The following TRRAP variants were observed in gnomAD, a reference collection of about 807,000 sequenced individuals.
The protein encoded by TRRAP is transformation/transcription domain-associated protein.
TRRAP carries 41 observed loss-of-function variants against 438.8 expected under a neutral mutation model. That is an observed-to-expected ratio of 0.09 (90% confidence interval 0.07 to 0.12). The LOEUF (loss-of-function observed/expected upper bound fraction) is 0.12, where lower values mean the gene tolerates loss of function less well. Ranked by LOEUF, TRRAP falls within the 10% of genes least tolerant of loss-of-function variation. The pLI is 1.00. For synonymous variants in TRRAP, 1,994 were observed against 1,962.9 expected (o/e 1.02, Z -0.42); for missense variants, 3,122 against 5,055.1 (o/e 0.62, Z 11.60).
chr7:98,993,308 A>G (rs1038762570), intron 65 of TRRAP, among the ~76,000 whole-genome samples: 1 of 152,240 alleles, frequency 6.6e-6, no homozygotes, highest in East Asian at 1.9e-4. Flanking sequence ...ATTTAATGGA[A>G]TGGATTGAAG....
chr7:98,921,647 A>T, intron 20 of TRRAP, 106 bp from the exon 21 acceptor site: 1 of 1,470,642 alleles, frequency 6.8e-7, no homozygotes, highest in Non-Finnish European at 9.3e-7. Context: ...AAGTTCTGGG[A>T]TTACAGGCAT....
At position 98,911,279 on chromosome 7, in the gene TRRAP, ACTC is replaced by A. The variant is rs782299550; in HGVS notation, c.2007+11_2007+13del. 1.9e-6 allele frequency: 3 copies of A among 1,591,014 alleles called. No homozygotes were observed. The highest frequency in any genetic ancestry group is 2.7e-5 in the African/African-American group (2 of 73,546). ...AAAAATTATGCTCTTCAGGTATAAAACTCCTTTTTTTATGTTGTTTGAACATTA... is the reference window on the plus strand; with the variant it reads ...AAAAATTATGCTCTTCAGGTATAAAACTTTTTTTATGTTGTTTGAACATTA... On this transcript the variant is annotated intron_variant, in intron 17 of 72. Coordinates refer to ENST00000456197, the MANE Select transcript of TRRAP (RefSeq NM_001375524.1).
chr7:98,880,632 A>G (rs1795386578), intron 1 of TRRAP, among the ~76,000 whole-genome samples: 1 of 152,148 alleles, frequency 6.6e-6, no homozygotes. Flanking sequence ...GGAAAAGAGG[A>G]AGGATATTTC....
chr7:98,988,626 C>A, intron 62 of TRRAP, 139 bp from the exon 63 acceptor site: 1 of 968,472 alleles, frequency 1.0e-6, no homozygotes, highest in Non-Finnish European at 1.5e-6. Context: ...TTCAGAGCGA[C>A]TGCTTATGGG....
chr7:99,009,917 C>T (rs1396389202), intron 70 of TRRAP, among the ~76,000 whole-genome samples: 9 of 116,638 alleles, frequency 7.7e-5, no homozygotes, highest in Non-Finnish European at 1.2e-4. Flanking sequence ...GATAGAGTTT[C>T]GCTGTTGTTG....
chr7:99,006,479 T>C (rs1433267653), intron 69 of TRRAP, among the ~76,000 whole-genome samples: 1 of 152,260 alleles, frequency 6.6e-6, no homozygotes, highest in Non-Finnish European at 1.5e-5. Flanking sequence ...TTGATTTCTC[T>C]GCTTCCAAAT....
Position 98,992,320 on chromosome 7 carries a change from C to T in TRRAP, c.9847+93C>T, listed in dbSNP as rs1793461893. 24 of 1,331,736 alleles carry T rather than the reference C, an allele frequency of 1.8e-5. No individual in the cohort carries two copies. In the Admixed American group the frequency reaches 3.1e-4, roughly 17 times the overall value. The allele number at this position is 1,331,736 out of a possible 1,614,324, so 82.5% of individuals were successfully genotyped here. A position where few individuals can be genotyped will look rare whatever the true frequency, so the allele number is the denominator to read the frequency against. On this transcript the variant is annotated intron_variant, in intron 65 of 72. Transcript: ENST00000456197. ...GACAGACCACCGCAGCCACCCCTGC[C>T]CTGCAGCTCACTCATAGCCGTGGCC...
At chr7:98,953,066 T>C (rs2116624911) in intron 39 of TRRAP, 101 bp from the exon 40 acceptor site, 1 of 309,312 alleles carries the variant, frequency 3.2e-6, no homozygotes, top group Non-Finnish European at 6.0e-6. Flanking sequence ...TGTGTGTGTG[T>C]GTGTGTGTGT....
At chr7:98,964,518 G>A (rs1426483372) in intron 47 of TRRAP, 111 bp from the exon 48 acceptor site, 4 of 1,299,830 alleles carry the variant, frequency 3.1e-6, no homozygotes, top group Non-Finnish European at 4.3e-6. Context: ...TTGACACTGG[G>A]ATTAACTATG....
intron 20 of TRRAP, 83 bp from the exon 21 acceptor site, chr7:98,921,670 C>T: frequency 2.5e-6 from 4 of 1,576,518 alleles, no homozygotes; most frequent in Non-Finnish European, 3.5e-6. Context: ...GCCACTACGC[C>T]TGGCCTCCCT....
intron 27 of TRRAP, 21 bp from the exon 28 acceptor site, chr7:98,935,558 A>G: frequency 1.9e-6 from 3 of 1,589,998 alleles, no homozygotes; most frequent in Non-Finnish European, 2.6e-6. Context: ...GGGCTAAATG[A>G]AATTGTTTTA....
At chr7:98,957,944 C>G (rs782608690) in intron 43 of TRRAP, 37 bp from the exon 44 acceptor site, 2 of 1,582,320 alleles carry the variant, frequency 1.3e-6, no homozygotes, top group African/African-American at 1.3e-5. Flanking sequence ...ATTAGTGTTG[C>G]GATTCTCTTC....
chr7:98,953,081 T>A (rs868911869), intron 39 of TRRAP, 86 bp from the exon 40 acceptor site: 42 of 804,956 alleles, frequency 5.2e-5, no homozygotes, highest in Non-Finnish European at 7.5e-5. Flanking sequence ...GTGTGTGTGT[T>A]TTTAAGGCTT....
chr7:98,964,314 A>G (rs1360266942), intron 47 of TRRAP, among the ~76,000 whole-genome samples: 2 of 152,058 alleles, frequency 1.3e-5, no homozygotes, highest in Non-Finnish European at 2.9e-5. Context: ...TCCCAAACCT[A>G]TTATAGGAGT....
At chr7:99,000,632 A>G (rs902256188) in intron 67 of TRRAP, among the ~76,000 whole-genome samples, 4 of 152,250 alleles carry the variant, frequency 2.6e-5, no homozygotes, top group African/African-American at 9.6e-5. Flanking sequence ...CACTTGGGCA[A>G]CTGACCAACA....
At chr7:98,992,370 G>A (rs976855585) in intron 65 of TRRAP, 143 bp downstream of exon 65, 7 of 787,732 alleles carry the variant, frequency 8.9e-6, no homozygotes, top group Middle Eastern at 3.6e-4. Flanking sequence ...GGGCAGCACC[G>A]TAGGGCAGGA....
chr7:98,904,483 CAAAA>C (rs59353514), intron 12 of TRRAP, among the ~76,000 whole-genome samples: 8 of 45,576 alleles, frequency 1.8e-4, no homozygotes, highest in South Asian at 7.6e-4. Flanking sequence ...GACTCTGTCT[CAAAA>C]AAAAAAAAAA....
chr7:98,883,620 G>T (rs1159954281), intron 3 of TRRAP, among the ~76,000 whole-genome samples: 2 of 152,112 alleles, frequency 1.3e-5, no homozygotes, highest in Non-Finnish European at 2.9e-5. Context: ...GCTCAGGTGA[G>T]CCTCCCACTC....
rs772345890 is a variant in TRRAP, at chr7:98,990,532, A to G, written c.9669A>G (p.Pro3223=). The change falls in exon 64 of 73, where the codon CCA becomes CCG. Residue 3223 remains proline (P), a synonymous_variant. Transcript: ENST00000456197. ...DAVDKYCIGV[P]PIQWLAWIPQ... is the part of the protein sequence containing the mutation. ...TCGACAAGTACTGCATTGGTGTGCCACCCATCCAGTGGCTGGCCTGGATCC... is the reference window on the plus strand; with the variant it reads ...TCGACAAGTACTGCATTGGTGTGCCGCCCATCCAGTGGCTGGCCTGGATCC... The G allele has an allele frequency of 2.5e-6, 4 of 1,613,968 alleles. No homozygotes were observed. The highest frequency in any genetic ancestry group is 3.4e-6 in the Non-Finnish European group (4 of 1,179,966).
Sources: allele counts gnomAD v4.1 joint callset (sites outside exome capture counted in the v4.1 genomes callset), GRCh38; gene constraint gnomAD v4.1.1; transcripts MANE v1.5; gene names NCBI Gene and HGNC (gene_info 2026-07-23, HGNC 2026-07-21).